TOR1AIP2: variants seen among roughly 807,000 people sequenced by gnomAD.
TOR1AIP2 encodes the protein torsin-1A-interacting protein 2.
TOR1AIP2 carries 20 observed loss-of-function variants against 32.6 expected under a neutral mutation model. That is an observed-to-expected ratio of 0.61 (90% confidence interval 0.43 to 0.89). The LOEUF (loss-of-function observed/expected upper bound fraction) is 0.89, where lower values mean the gene tolerates loss of function less well. Among genes scored for constraint, TOR1AIP2 ranks in the 40% least tolerant of loss-of-function variants. The pLI is 0.00. For synonymous variants in TOR1AIP2, 214 were observed against 210.8 expected (o/e 1.02, Z -0.13); for missense variants, 456 against 553.8 (o/e 0.82, Z 1.77).
chr1:179,866,691 C>T (rs978622648), intron 2 of TOR1AIP2, among the ~76,000 whole-genome samples: 1 of 152,216 alleles, frequency 6.6e-6, no homozygotes, highest in Non-Finnish European at 1.5e-5. Context: ...AGGAGTGAGC[C>T]ACCGTGCCCG....
At position 179,846,693 on chromosome 1, in the gene TOR1AIP2, T is replaced by A; in HGVS notation, c.791A>T (p.Asp264Val). The change falls in exon 7 of 7, where the codon GAT (aspartate) becomes GTT (valine). Residue 264 changes from aspartate (D) to valine (V), a missense_variant. By Grantham distance (152) the Asp-to-Val change is radical (BLOSUM62 -3). Coordinates refer to ENST00000609928, the MANE Select transcript of TOR1AIP2 (RefSeq NM_001199260.2). The part of the protein sequence containing the change: ...AFLAQFSQLE[D>V]KFPGQSSFLW... ...GAAGGAACTCTGGCCTGGAAATTTATCTTCCAATTGGCTAAACTGGGCCAA... is the reference window on the plus strand; with the variant it reads ...GAAGGAACTCTGGCCTGGAAATTTAACTTCCAATTGGCTAAACTGGGCCAA... 6.2e-7 allele frequency: 1 copy of A among 1,614,164 alleles called. No homozygotes were observed. The highest frequency in any genetic ancestry group is 8.5e-7 in the Non-Finnish European group (1 of 1,180,030).
In TOR1AIP2 at chr1:179,850,905, C is replaced by G; in HGVS notation, c.493G>C (p.Gly165Arg). 1 of 1,614,172 alleles carries G rather than the reference C, an allele frequency of 6.2e-7. No individual in the cohort carries two copies. Among genetic ancestry groups the G allele is most frequent in the Non-Finnish European group, 8.5e-7 (1 of 1,180,024 alleles). Residue 165 changes from glycine (G) to arginine (R), a missense_variant, in exon 5 of 7, where the codon GGT becomes CGT. By Grantham distance (125) the Gly-to-Arg change is moderately radical (BLOSUM62 -2). Transcript: ENST00000609928. Reference protein sequence around the residue: ...TTDSQEAQSPGHSSAGQEGED... With the variant: ...TTDSQEAQSPRHSSAGQEGED... ...CCCTCTTGCCCTGCACTGGAATGAC[C>G]AGGACTCTGGGCCTCCTGGGAGTCT... is the stretch of plus-strand genomic sequence containing the variant.
rs373555927 is a variant in TOR1AIP2, at chr1:179,851,006, T to G, written c.392A>C (p.His131Pro). 1 of 1,614,058 alleles carries G rather than the reference T, an allele frequency of 6.2e-7. No homozygotes were observed. Among genetic ancestry groups the G allele is most frequent in the Non-Finnish European group, 8.5e-7 (1 of 1,180,020 alleles). ...PSDKVGRADA[H>P]LGSSSVALPK... is the part of the protein sequence containing the mutation. ...GAGGGCCACAGAGCTGCTCCCTAAG[T>G]GTGCATCTGCTCTTCCTACCTTGTC... is the stretch of plus-strand genomic sequence containing the variant. The change falls in exon 5 of 7, where the codon CAC becomes CCC. Residue 131 changes from histidine (H) to proline (P), a missense_variant. Transcript: ENST00000609928.
chr1:179,848,724 A>G (rs1041999066), intron 5 of TOR1AIP2, among the ~76,000 whole-genome samples: 12 of 152,198 alleles, frequency 7.9e-5, no homozygotes, highest in African/African-American at 2.7e-4. Context: ...ATATCATATC[A>G]TAGAATCTAA....
intron 2 of TOR1AIP2, chr1:179,868,776 T>G (rs1220902801): frequency 1.3e-5 from 2 of 152,054 alleles, no homozygotes; most frequent in Admixed American, 6.6e-5. Context: ...AATAAACACA[T>G]GCACACATTC....
At chr1:179,863,348 T>C in intron 3 of TOR1AIP2, 1 of 985,220 alleles carries the variant, frequency 1.0e-6, no homozygotes, top group Non-Finnish European at 1.2e-6. Context: ...ACTGGTACTT[T>C]CTAATGAGAT....
At chr1:179,861,774 C>T in intron 3 of TOR1AIP2, 2 of 985,396 alleles carry the variant, frequency 2.0e-6, no homozygotes, top group African/African-American at 3.5e-5. Flanking sequence ...TAAGTAAACA[C>T]TATGGACATA....
rs773952986 is a variant in TOR1AIP2 at position 179,850,924 on chromosome 1, G to T, written c.474C>A (p.Ser158=). The T allele has an allele frequency of 2.7e-4, 442 of 1,614,052 alleles. No homozygotes were observed. Among genetic ancestry groups the T allele is most frequent in the Non-Finnish European group, 4.8e-5 (57 of 1,180,030 alleles). ...GASQEPPTTD[S]QEAQSPGHSS... is the part of the protein sequence containing the mutation. ...AATGACCAGGACTCTGGGCCTCCTG[G>T]GAGTCTGTAGTAGGTGGTTCCTGAG... Residue 158 remains serine (S), a synonymous_variant, in exon 5 of 7, where the codon TCC becomes TCA. Coordinates refer to ENST00000609928, the MANE Select transcript of TOR1AIP2 (RefSeq NM_001199260.2).
At chr1:179,849,891 C>T (rs1696050910) in intron 5 of TOR1AIP2, among the ~76,000 whole-genome samples, 2 of 152,228 alleles carry the variant, frequency 1.3e-5, no homozygotes, top group South Asian at 4.1e-4. Context: ...TCCTTGCCTT[C>T]ACTGAAGTTA....
At chr1:179,866,281 C>T (rs1429709691) in intron 2 of TOR1AIP2, among the ~76,000 whole-genome samples, 1 of 151,274 alleles carries the variant, frequency 6.6e-6, no homozygotes, top group East Asian at 1.9e-4. Flanking sequence ...AAAGCTTACA[C>T]AGTTTTTAGA....
chr1:179,867,275 G>A lies in TOR1AIP2; in HGVS notation c.-565-1421C>T, dbSNP rs1465534747. On this transcript the variant is annotated intron_variant, in intron 2 of 6. Transcript: ENST00000609928. ...GTAGACATACTGATGTGTTTTCTGA[G>A]GTTAGGTAACAATGTACGGGTGAGG... Among the ~76,000 whole-genome samples, 5 of 152,310 alleles carry A rather than the reference G, an allele frequency of 3.3e-5. No individual in the cohort carries two copies. In the East Asian group the frequency reaches 9.6e-4, roughly 29 times the overall value.
chr1:179,876,656 CA>C (rs1220608897), intron 2 of TOR1AIP2, among the ~76,000 whole-genome samples: 4 of 151,016 alleles, frequency 2.6e-5, no homozygotes, highest in Non-Finnish European at 5.9e-5. Context: ...AAAAAAAGCT[CA>C]AAAAACATGG....
rs907472166 is a variant in TOR1AIP2, at chr1:179,840,994, C to G, written c.*5077G>C. ...TCAGTCTGAATGAGGCAAATTTAGG[C>G]CCACATCATTAGGTATTTCACAACT... On this transcript the variant is annotated 3_prime_UTR_variant, in exon 7 of 7. Coordinates refer to ENST00000609928, the MANE Select transcript of TOR1AIP2 (RefSeq NM_001199260.2). The G allele has an allele frequency of 1.8e-4, 27 of 151,594 alleles. No homozygotes were observed. The highest frequency in any genetic ancestry group is 6.6e-4 in the African/African-American group (27 of 41,202). 9.4% of individuals were successfully genotyped at this position (151,594 alleles called of 1,614,324 possible).
chr1:179,864,096 G>GT (rs1558022548), intron 3 of TOR1AIP2: 8 of 985,256 alleles, frequency 8.1e-6, no homozygotes, highest in Admixed American at 1.2e-4. Flanking sequence ...GTAAAGCCAC[G>GT]TAAGTATGGA....
At chr1:179,860,738 C>A in intron 3 of TOR1AIP2, 4 of 985,282 alleles carry the variant, frequency 4.1e-6, no homozygotes, top group Non-Finnish European at 4.8e-6. Flanking sequence ...AGAATAGAAA[C>A]CCAGCTGGCT....
intron 3 of TOR1AIP2, chr1:179,860,987 C>A (rs1696508804): frequency 1.0e-6 from 1 of 985,356 alleles, no homozygotes; most frequent in Non-Finnish European, 1.2e-6. Context: ...TCTTACCTCA[C>A]TCACTCATAT....
Position 179,841,825 on chromosome 1 carries a change from C to T in TOR1AIP2, c.*4246G>A, listed in dbSNP as rs1214624899. On this transcript the variant is annotated 3_prime_UTR_variant, in exon 7 of 7. Coordinates refer to ENST00000609928, the MANE Select transcript of TOR1AIP2 (RefSeq NM_001199260.2). The stretch of plus-strand genomic sequence containing the variant: ...GTGAAGATCATCTGAATAATGATCA[C>T]TTTCACATGCCATATTAGTTATATT... 1 of 152,232 alleles carries T rather than the reference C, an allele frequency of 6.6e-6. No homozygotes were observed. The highest frequency in any genetic ancestry group is 2.4e-5 in the African/African-American group (1 of 41,464). 9.4% of individuals were successfully genotyped at this position (152,232 alleles called of 1,614,324 possible).
Position 179,846,525 on chromosome 1 carries a change from G to A in TOR1AIP2, c.959C>T (p.Thr320Ile). Residue 320 changes from threonine to isoleucine, a missense_variant, in exon 7 of 7, where the codon ACC becomes ATC. Thr to Ile is a moderately conservative substitution (Grantham distance 89, BLOSUM62 -1). Transcript: ENST00000609928. ...CLSHHVADAY[T>I]SSQKVSPIQI... ...AATGGGAGAGACTTTCTGGGAAGAG[G>A]TGTAGGCATCTGCAACATGGTGGCT... is the stretch of plus-strand genomic sequence containing the variant. The A allele has an allele frequency of 5.0e-6, 8 of 1,614,160 alleles. No individual in the cohort carries two copies. Among genetic ancestry groups the A allele is most frequent in the South Asian group, 3.3e-5 (3 of 91,086 alleles).
chr1:179,864,850 G>A (rs1333386548), intron 3 of TOR1AIP2: 1 of 1,613,978 alleles, frequency 6.2e-7, no homozygotes, highest in Non-Finnish European at 8.5e-7. Flanking sequence ...GTAATGCAGG[G>A]TTAAAACCAG....
Sources: allele counts gnomAD v4.1 joint callset (sites outside exome capture counted in the v4.1 genomes callset), GRCh38; gene constraint gnomAD v4.1.1; transcripts MANE v1.5; gene names NCBI Gene and HGNC (gene_info 2026-07-23, HGNC 2026-07-21).